Variants in LRRIQ1 observed in about 807,000 individuals in gnomAD.
LRRIQ1 encodes the protein leucine rich repeats and IQ motif containing 1.
Under a neutral mutation model 211.9 loss-of-function variants are expected in LRRIQ1, and 210 were observed. The ratio of observed to expected loss-of-function variants is 0.99; its 90% confidence interval spans 0.89 to 1.11. The LOEUF (loss-of-function observed/expected upper bound fraction) is 1.11, where lower values mean the gene tolerates loss of function less well. LRRIQ1 is among the 50% of genes most tolerant of loss of function. The probability of loss-of-function intolerance (pLI) is 0.00; values close to 1 mark genes in which losing one functional copy is unlikely to be tolerated. For synonymous variants in LRRIQ1, 699 were observed against 650.1 expected (o/e 1.08, Z -1.14); for missense variants, 2,136 against 1,939.5 (o/e 1.10, Z -1.90).
chr12:85,124,592 T>G, intron 17 of LRRIQ1, 73 bp downstream of exon 17: 1 of 1,135,594 alleles, frequency 8.8e-7, no homozygotes. Context: ...TAGTCAATGG[T>G]ACCTAGTAAT....
chr12:85,097,359 A>C (rs1313693359), intron 11 of LRRIQ1, among the ~76,000 whole-genome samples: 1 of 151,984 alleles, frequency 6.6e-6, no homozygotes. Context: ...ACTGCCACAC[A>C]CTTTTAAACT....
At chr12:85,054,653 A>G (rs1880761647) in intron 7 of LRRIQ1, among the ~76,000 whole-genome samples, 1 of 151,720 alleles carries the variant, frequency 6.6e-6, no homozygotes, top group South Asian at 2.1e-4. Flanking sequence ...CTCATTTTGA[A>G]GTTTTTTTTT....
chr12:85,147,273 G>A (rs184875448), intron 19 of LRRIQ1, among the ~76,000 whole-genome samples: 2 of 151,896 alleles, frequency 1.3e-5, no homozygotes. Flanking sequence ...AAAAATCCAC[G>A]AGATGAGAGA....
At chr12:85,190,487 T>C (rs1211456647) in intron 24 of LRRIQ1, among the ~76,000 whole-genome samples, 1 of 148,010 alleles carries the variant, frequency 6.8e-6, no homozygotes, top group Admixed American at 6.8e-5. Context: ...ATTTATATTA[T>C]ATACAATTTT....
rs1395259472 is a variant in LRRIQ1, at chr12:85,098,918, A to T, written c.3133A>T (p.Asn1045Tyr). The change falls in exon 13 of 27, where the codon AAC (asparagine) becomes TAC (tyrosine). Residue 1045 changes from asparagine (N) to tyrosine (Y), a missense_variant. Asn to Tyr is a moderately radical substitution (Grantham distance 143). Coordinates refer to ENST00000393217, the MANE Select transcript of LRRIQ1 (RefSeq NM_001079910.2). The stretch of plus-strand genomic sequence containing the variant: ...ACTAAGAGAATTGCACTTGGATGAT[A>T]ACAGCATTTCAACTGTGGAAGCATT... ...VLLRELHLDDNSISTVEAFSS... is the reference protein window; with the variant it reads ...VLLRELHLDDYSISTVEAFSS... 6.4e-7 allele frequency: 1 copy of T among 1,574,604 alleles called. No homozygotes were observed. Among genetic ancestry groups the T allele is most frequent in the East Asian group, 2.3e-5 (1 of 42,660 alleles).
chr12:85,171,256 A>C (rs1891402029), intron 24 of LRRIQ1, among the ~76,000 whole-genome samples: 1 of 152,160 alleles, frequency 6.6e-6, no homozygotes, highest in Non-Finnish European at 1.5e-5. Flanking sequence ...GCTACAGATT[A>C]ATCAAAACTG....
intron 24 of LRRIQ1, among the ~76,000 whole-genome samples, chr12:85,180,532 CA>C (rs1370378712): frequency 6.6e-6 from 1 of 151,772 alleles, no homozygotes; most frequent in East Asian, 1.9e-4. Context: ...TGGAGCAAGA[CA>C]ATTTAGGTTT....
chr12:85,089,821 C>CT (rs901155347), intron 11 of LRRIQ1, among the ~76,000 whole-genome samples: 1 of 152,056 alleles, frequency 6.6e-6, no homozygotes, highest in African/African-American at 2.4e-5. Flanking sequence ...AAGAAAAAAG[C>CT]TTTTTTGGGG....
chr12:85,265,851 C>T (rs1026262521), downstream of LRRIQ1, among the ~76,000 whole-genome samples: 4 of 151,754 alleles, frequency 2.6e-5, no homozygotes, highest in African/African-American at 9.7e-5. Context: ...CGACACTAAC[C>T]TTGAAACTGT....
chr12:85,142,922 G>A (rs1889643241), intron 19 of LRRIQ1, among the ~76,000 whole-genome samples: 1 of 151,524 alleles, frequency 6.6e-6, no homozygotes. Context: ...TGAAGACAAC[G>A]ATACAGATAT....
At chr12:85,040,349 A>G (rs1162012550) in intron 2 of LRRIQ1, 141 bp from the exon 3 acceptor site, 1 of 427,922 alleles carries the variant, frequency 2.3e-6, no homozygotes, top group Non-Finnish European at 4.2e-6. Flanking sequence ...ATTTGTCTGA[A>G]CTGTGCTGTT....
chr12:85,131,792 A>G (rs571028685), intron 18 of LRRIQ1, among the ~76,000 whole-genome samples: 12 of 152,300 alleles, frequency 7.9e-5, no homozygotes, highest in African/African-American at 2.9e-4. Flanking sequence ...TGTCCAGTAG[A>G]GAATTGTCAG....
At chr12:85,133,008 A>AT (rs1004191706) in intron 18 of LRRIQ1, among the ~76,000 whole-genome samples, 1 of 151,998 alleles carries the variant, frequency 6.6e-6, no homozygotes, top group Admixed American at 6.6e-5. Flanking sequence ...AATCAACTGT[A>AT]TTTTTTAACA....
chr12:85,046,088 T>C lies in LRRIQ1; in HGVS notation c.405T>C (p.Val135=), dbSNP rs770540563. Residue 135 remains valine (V), a synonymous_variant, in exon 5 of 27, where the codon GTT becomes GTC. Coordinates refer to ENST00000393217, the MANE Select transcript of LRRIQ1 (RefSeq NM_001079910.2). The stretch of plus-strand genomic sequence containing the variant: ...CCGATTGTGCCACTCCTGATTTTGT[T>C]CCTGAGCCTAGTCCTCATGACTTGC... ...SKTDCATPDF[V]PEPSPHDLPM... 4 of 1,611,994 alleles carry C rather than the reference T, an allele frequency of 2.5e-6. No homozygotes were observed. The East Asian group carries it at 6.7e-5, about 27-fold the overall frequency.
At chr12:85,057,637 C>G (rs944925437) in intron 8 of LRRIQ1, among the ~76,000 whole-genome samples, 2 of 151,978 alleles carry the variant, frequency 1.3e-5, no homozygotes, top group African/African-American at 4.8e-5. Context: ...ATAGAAGACC[C>G]TGAAGACCCT....
chr12:85,253,292 C>G (rs1347636567), intron 1 of LRRIQ1, among the ~76,000 whole-genome samples: 3 of 151,996 alleles, frequency 2.0e-5, no homozygotes, highest in African/African-American at 7.2e-5. Flanking sequence ...GGCCCATATG[C>G]CTTAGGAATT....
chr12:85,133,385 C>T lies in LRRIQ1; in HGVS notation c.4210-4465C>T, dbSNP rs111360818. Among the ~76,000 whole-genome samples, 443 of 152,230 alleles carry T rather than the reference C, an allele frequency of 2.9e-3. 1 individual carries two copies. Among genetic ancestry groups the T allele is most frequent in the African/African-American group, 0.01 (416 of 41,558 alleles). On this transcript the variant is annotated intron_variant, in intron 18 of 26. Transcript: ENST00000393217. ...AGCCCCTCCTGGAGTCTCAAACCTA[C>T]GCACACTTTCCTGGAAAAGAGATCT...
In LRRIQ1 at chr12:85,056,796, A is replaced by G. The variant is rs1203544550; in HGVS notation, c.2003A>G (p.Glu668Gly). ...FNTTDTMINI[E>G]GKRNDQDYVL... Reference sequence around the variant, plus strand: ...ACAACTGATACCATGATAAATATAGAAGGCAAAAGAAATGACCAAGATTAT... The same window carrying G: ...ACAACTGATACCATGATAAATATAGGAGGCAAAAGAAATGACCAAGATTAT... Residue 668 changes from glutamate to glycine, a missense_variant, in exon 8 of 27, where the codon GAA becomes GGA. By Grantham distance (98) the Glu-to-Gly change is moderately conservative (BLOSUM62 -2). Transcript: ENST00000393217. 5 of 1,610,130 alleles carry G rather than the reference A, an allele frequency of 3.1e-6. No individual in the cohort carries two copies. The highest frequency in any genetic ancestry group is 2.7e-5 in the African/African-American group (2 of 74,692).
chr12:85,227,120 T>C (rs1370649490), intron 24 of LRRIQ1, among the ~76,000 whole-genome samples: 1 of 151,638 alleles, frequency 6.6e-6, no homozygotes, highest in Non-Finnish European at 1.5e-5. Context: ...CGCCACACTG[T>C]CTTCCACAAT....
Sources: gnomAD v4.1 joint callset for allele counts (sites outside exome capture counted in the v4.1 genomes callset) on GRCh38, gnomAD v4.1.1 for gene constraint, MANE v1.5 for transcripts, NCBI Gene and HGNC (gene_info 2026-07-23, HGNC 2026-07-21) for gene names.